Variants in RGS7BP observed in about 807,000 individuals in gnomAD.
RGS7BP encodes the protein regulator of G protein signaling 7 binding protein, also known as regulator of G protein signaling 7-binding protein.
A neutral mutation model predicts 31.3 loss-of-function variants in RGS7BP; 9 were observed. The observed-to-expected ratio is 0.29, with a 90% confidence interval of 0.17 to 0.50. The LOEUF (loss-of-function observed/expected upper bound fraction) is 0.50. Among genes scored for constraint, RGS7BP ranks in the 20% least tolerant of loss-of-function variants. The pLI, the probability that RGS7BP is intolerant of heterozygous loss-of-function variation, is 0.98. For missense variants in RGS7BP, 274 were observed against 322.0 expected (o/e 0.85, Z 1.14); for synonymous variants, 115 against 120.1 (o/e 0.96, Z 0.28).
chr5:64,507,829 G>C lies in RGS7BP; in HGVS notation c.284G>C (p.Gly95Ala). Residue 95 changes from glycine to alanine, a missense_variant, in exon 2 of 6, where the codon GGC (glycine) becomes GCC (alanine). Transcript: ENST00000334025. ...RAEMHKTRTK[G>A]CEMARQAHQK... ...GAAATGCACAAGACAAGAACCAAAGGCTGTGAAATGGCCCGTCAGGCACAC... is the reference window on the plus strand; with the variant it reads ...GAAATGCACAAGACAAGAACCAAAGCCTGTGAAATGGCCCGTCAGGCACAC... 1 of 1,613,982 alleles carries C rather than the reference G, an allele frequency of 6.2e-7. No homozygotes were observed. The highest frequency in any genetic ancestry group is 8.5e-7 in the Non-Finnish European group (1 of 1,179,974).
intron 3 of RGS7BP, among the ~76,000 whole-genome samples, chr5:64,588,988 A>G (rs148666155): frequency 6.6e-6 from 1 of 152,292 alleles, no homozygotes; most frequent in East Asian, 1.9e-4. Context: ...ATCGCTTTGT[A>G]GATTACTTAA....
At chr5:64,601,277 C>A in intron 5 of RGS7BP, 2 of 160,268 alleles carry the variant, frequency 1.2e-5, no homozygotes, top group Non-Finnish European at 2.7e-5. Context: ...CAACTCCGAC[C>A]ACGTGAAAAT....
At chr5:64,552,967 C>T (rs1384569388) in intron 2 of RGS7BP, among the ~76,000 whole-genome samples, 1 of 152,156 alleles carries the variant, frequency 6.6e-6, no homozygotes, top group African/African-American at 2.4e-5. Flanking sequence ...TACTTCTTTT[C>T]TTCCTCCCTT....
intron 2 of RGS7BP, among the ~76,000 whole-genome samples, chr5:64,513,166 C>T (rs189149115): frequency 2.9e-4 from 44 of 152,300 alleles, no homozygotes; most frequent in African/African-American, 1.0e-3. Context: ...GAGATCCAAA[C>T]CTAGTACATT....
chr5:64,574,718 A>G (rs948498056), intron 2 of RGS7BP, among the ~76,000 whole-genome samples: 16 of 152,220 alleles, frequency 1.1e-4, no homozygotes, highest in African/African-American at 3.9e-4. Flanking sequence ...TGTACACACA[A>G]ATTCTCTTTA....
intron 2 of RGS7BP, among the ~76,000 whole-genome samples, chr5:64,574,225 G>A (rs986063869): frequency 2.6e-5 from 4 of 152,062 alleles, no homozygotes; most frequent in Non-Finnish European, 5.9e-5. Context: ...ATAGGACACA[G>A]TCAGAGACTG....
Position 64,598,511 on chromosome 5 carries a change from A to G in RGS7BP, c.682+76A>G, listed in dbSNP as rs543513913. ...CCTTGGGAATTGTTTCTTGGAAATT[A>G]AAGCATGTGTCTCACACAAACAGTA... On this transcript the variant is annotated intron_variant, in intron 5 of 5. Coordinates refer to ENST00000334025, the MANE Select transcript of RGS7BP (RefSeq NM_001029875.3). The G allele has an allele frequency of 2.9e-5, 26 of 905,320 alleles. No homozygotes were observed. In the African/African-American group the frequency reaches 4.3e-4, roughly 15 times the overall value. The allele number at this position is 905,320 out of a possible 1,614,324, so 56.1% of individuals were successfully genotyped here. A position where few individuals can be genotyped will look rare whatever the true frequency, so the allele number is the denominator to read the frequency against.
At chr5:64,606,116 T>C (rs891175602) in intron 5 of RGS7BP, among the ~76,000 whole-genome samples, 1 of 151,170 alleles carries the variant, frequency 6.6e-6, no homozygotes, top group Non-Finnish European at 1.5e-5. Flanking sequence ...GAAAGGTTTT[T>C]AGGTTTTTTT....
intron 2 of RGS7BP, among the ~76,000 whole-genome samples, chr5:64,512,248 G>A (rs971423750): frequency 3.3e-5 from 5 of 152,204 alleles, no homozygotes; most frequent in African/African-American, 1.2e-4. Context: ...CAGATCTTAA[G>A]TTTAAGTATG....
chr5:64,531,460 A>T (rs1377183808), intron 2 of RGS7BP, among the ~76,000 whole-genome samples: 1 of 152,188 alleles, frequency 6.6e-6, no homozygotes, highest in Admixed American at 6.5e-5. Context: ...GTTGTTCGAC[A>T]TCTTCCAAAT....
chr5:64,600,900 T>C (rs1055382521), intron 5 of RGS7BP, among the ~76,000 whole-genome samples: 1 of 152,166 alleles, frequency 6.6e-6, no homozygotes, highest in African/African-American at 2.4e-5. Context: ...TGGGAACATT[T>C]TGACAGATGC....
At chr5:64,510,012 A>G (rs574469341) in intron 2 of RGS7BP, among the ~76,000 whole-genome samples, 67 of 152,252 alleles carry the variant, frequency 4.4e-4, no homozygotes, top group African/African-American at 1.5e-3. Flanking sequence ...TCCGTTTCTG[A>G]TATCATTTGT....
At chr5:64,539,907 T>C (rs978793469) in intron 2 of RGS7BP, 9 of 152,202 alleles carry the variant, frequency 5.9e-5, no homozygotes, top group Admixed American at 5.2e-4. Context: ...TTTTAAAATA[T>C]GAATGCCCAA....
intron 2 of RGS7BP, among the ~76,000 whole-genome samples, chr5:64,575,360 T>C (rs943424692): frequency 6.6e-6 from 1 of 152,168 alleles, no homozygotes; most frequent in Non-Finnish European, 1.5e-5. Context: ...AGGGCCCTAA[T>C]ATTAAAGAGC....
At chr5:64,555,388 C>T (rs1741896003) in intron 2 of RGS7BP, among the ~76,000 whole-genome samples, 1 of 152,020 alleles carries the variant, frequency 6.6e-6, no homozygotes, top group Non-Finnish European at 1.5e-5. Context: ...TGTTTTGTTT[C>T]AATAGTAGTT....
intron 2 of RGS7BP, among the ~76,000 whole-genome samples, chr5:64,530,809 A>G (rs951734029): frequency 6.6e-6 from 1 of 152,172 alleles, no homozygotes; most frequent in African/African-American, 2.4e-5. Context: ...ATATTTATTA[A>G]GTAGAATAAT....
chr5:64,557,502 G>A (rs901803368), intron 2 of RGS7BP, among the ~76,000 whole-genome samples: 6 of 152,096 alleles, frequency 3.9e-5, no homozygotes, highest in Admixed American at 6.6e-5. Context: ...CTACTTTTTT[G>A]CTGAGACTTC....
At chr5:64,539,177 GTGAAGTGTC>G in intron 2 of RGS7BP, among the ~76,000 whole-genome samples, 1 of 152,224 alleles carries the variant, frequency 6.6e-6, no homozygotes, top group Middle Eastern at 3.4e-3. Flanking sequence ...CACCTTCTTA[GTGAAGTGTC>G]TGTTTAAGTC....
intron 2 of RGS7BP, among the ~76,000 whole-genome samples, chr5:64,527,148 C>A (rs1226799438): frequency 6.6e-6 from 1 of 152,164 alleles, no homozygotes; most frequent in African/African-American, 2.4e-5. Context: ...CTGTATTATA[C>A]CATTCCCTGT....
Sources: gnomAD v4.1 joint callset for allele counts (sites outside exome capture counted in the v4.1 genomes callset) on GRCh38, gnomAD v4.1.1 for gene constraint, MANE v1.5 for transcripts, NCBI Gene and HGNC (gene_info 2026-07-23, HGNC 2026-07-21) for gene names.